The following SUMF1 variants were observed in gnomAD, a reference collection of about 807,000 sequenced individuals.
The protein encoded by SUMF1 is formylglycine-generating enzyme.
In SUMF1, 48 loss-of-function variants were observed where a neutral mutation model predicts 47.6. That is an observed-to-expected ratio of 1.01 (90% CI 0.80 to 1.28). The LOEUF is 1.28. SUMF1 is among the 50% of genes most tolerant of loss of function. SUMF1 has a pLI of 0.00. For synonymous variants in SUMF1, 230 were observed against 192.1 expected (o/e 1.20, Z -1.63); for missense variants, 571 against 485.4 (o/e 1.18, Z -1.66).
rs181915199 is a variant in SUMF1, at chr3:4,249,884, G to A, written c.1014+126446C>T. 8.6e-4 allele frequency among the ~76,000 whole-genome samples: 131 copies of A among 152,220 alleles called. 1 individual carries two copies. The highest frequency in any genetic ancestry group is 8.3e-3 in the South Asian group (40 of 4,822). On this transcript the variant is annotated intron_variant and NMD_transcript_variant, in intron 8 of 12. Transcript: ENST00000448413. ...CAGTCAACACACAAATGATAAGAAT[G>A]CAAAAGAGTCTCATTGGGCCAGGGG...
At chr3:4,201,771 G>T (rs1334326742) in intron 8 of SUMF1, among the ~76,000 whole-genome samples, 5 of 151,974 alleles carry the variant, frequency 3.3e-5, no homozygotes, top group Admixed American at 2.0e-4. Context: ...CAGTACGAGG[G>T]TTCCCTTTTC....
chr3:4,418,161 G>C, intron 4 of SUMF1, 29 bp from the exon 5 acceptor site: 1 of 1,613,776 alleles, frequency 6.2e-7, no homozygotes, highest in Non-Finnish European at 8.5e-7. Flanking sequence ...AGAATGAAAA[G>C]TGACACCAAT....
At chr3:4,181,692 T>C (rs1695098670) in intron 8 of SUMF1, among the ~76,000 whole-genome samples, 1 of 152,068 alleles carries the variant, frequency 6.6e-6, no homozygotes, top group Non-Finnish European at 1.5e-5. Flanking sequence ...CAAGAAAGAG[T>C]GTCCCCTGTC....
intron 8 of SUMF1, among the ~76,000 whole-genome samples, chr3:4,086,481 G>A (rs111786656): frequency 3.9e-5 from 6 of 152,124 alleles, no homozygotes; most frequent in African/African-American, 1.2e-4. Context: ...TCTCATGCCC[G>A]ATCTGTCATG....
intron 8 of SUMF1, among the ~76,000 whole-genome samples, chr3:4,192,617 T>C (rs1229649622): frequency 1.3e-5 from 2 of 152,126 alleles, no homozygotes; most frequent in East Asian, 3.9e-4. Context: ...TTTCCTGAGA[T>C]AGAAGTGTCT....
At chr3:4,404,756 C>T (rs1350534844) in intron 7 of SUMF1, among the ~76,000 whole-genome samples, 2 of 152,136 alleles carry the variant, frequency 1.3e-5, no homozygotes, top group Non-Finnish European at 2.9e-5. Context: ...AAGAACGAAA[C>T]TCCGTCTCAA....
At chr3:4,132,496 C>G (rs1693816085) in intron 8 of SUMF1, among the ~76,000 whole-genome samples, 1 of 152,062 alleles carries the variant, frequency 6.6e-6, no homozygotes, top group African/African-American at 2.4e-5. Flanking sequence ...ACTGTTTCTC[C>G]CATAGCCAGG....
chr3:4,451,713 G>A (rs1053723156), intron 2 of SUMF1, among the ~76,000 whole-genome samples: 1 of 152,204 alleles, frequency 6.6e-6, no homozygotes, highest in African/African-American at 2.4e-5. Context: ...TTTTGAGACA[G>A]AGTCTTGCTC....
At chr3:4,154,387 A>T (rs1694406383) in intron 8 of SUMF1, among the ~76,000 whole-genome samples, 1 of 151,538 alleles carries the variant, frequency 6.6e-6, no homozygotes, top group African/African-American at 2.4e-5. Flanking sequence ...TTCACTTAAA[A>T]TTTAAAGAAT....
chr3:4,330,443 G>A (rs910481097), intron 8 of SUMF1, among the ~76,000 whole-genome samples: 1 of 152,218 alleles, frequency 6.6e-6, no homozygotes, highest in African/African-American at 2.4e-5. Context: ...GGAGGACCAT[G>A]CACGTCTTAC....
At chr3:4,383,927 T>G (rs1015396859) in intron 7 of SUMF1, among the ~76,000 whole-genome samples, 9 of 152,224 alleles carry the variant, frequency 5.9e-5, no homozygotes, top group Admixed American at 4.6e-4. Flanking sequence ...CAAAGACATA[T>G]CAACAAACAA....
Position 4,467,082 on chromosome 3 carries a change from G to C in SUMF1, c.164C>G (p.Pro55Arg). The change falls in exon 1 of 9, where the codon CCC becomes CGC. Residue 55 changes from proline to arginine, a missense_variant. Transcript: ENST00000272902. ...ACTGCCATGGGCGCCAGGCCGCTGGGGCGTGCCGCAGCCGCAAGAACCCGC... is the reference window on the plus strand; with the variant it reads ...ACTGCCATGGGCGCCAGGCCGCTGGCGCGTGCCGCAGCCGCAAGAACCCGC... ...SLAGSCGCGTPQRPGAHGSSA... is the reference protein window; with the variant it reads ...SLAGSCGCGTRQRPGAHGSSA... The C allele has an allele frequency of 6.4e-7, 1 of 1,564,144 alleles. No individual in the cohort carries two copies. The highest frequency in any genetic ancestry group is 1.2e-5 in the South Asian group (1 of 85,822).
intron 8 of SUMF1, among the ~76,000 whole-genome samples, chr3:4,353,806 T>C (rs1559239337): frequency 6.6e-6 from 1 of 152,156 alleles, no homozygotes; most frequent in Non-Finnish European, 1.5e-5. Flanking sequence ...GTGAGTTCTG[T>C]CTGCCACATC....
chr3:4,137,463 G>A, intron 8 of SUMF1, among the ~76,000 whole-genome samples: 1 of 151,214 alleles, frequency 6.6e-6, no homozygotes, highest in Non-Finnish European at 1.5e-5. Flanking sequence ...CACACTCTGG[G>A]GCCTGTTGTG....
chr3:4,407,478 G>C (rs1701411620), intron 7 of SUMF1, among the ~76,000 whole-genome samples: 1 of 152,108 alleles, frequency 6.6e-6, no homozygotes. Flanking sequence ...CCCTGAAAAT[G>C]TCTCTTCTAA....
intron 8 of SUMF1, among the ~76,000 whole-genome samples, chr3:4,328,195 G>T (rs1698983019): frequency 6.6e-6 from 1 of 151,568 alleles, no homozygotes; most frequent in African/African-American, 2.4e-5. Flanking sequence ...TTCCAGCCTG[G>T]GTGACCAACA....
chr3:4,084,120 C>A (rs1692622915), intron 8 of SUMF1, among the ~76,000 whole-genome samples: 1 of 151,976 alleles, frequency 6.6e-6, no homozygotes, highest in Non-Finnish European at 1.5e-5. Context: ...GGTTATCTGA[C>A]CCCCACTCTA....
At chr3:4,268,628 T>C (rs1333843676) in intron 8 of SUMF1, among the ~76,000 whole-genome samples, 4 of 149,994 alleles carry the variant, frequency 2.7e-5, no homozygotes, top group East Asian at 2.0e-4. Flanking sequence ...ATGATCACAA[T>C]AGCAACCAGG....
intron 3 of SUMF1, among the ~76,000 whole-genome samples, chr3:4,440,672 A>G (rs1211431417): frequency 6.6e-6 from 1 of 152,250 alleles, no homozygotes; most frequent in African/African-American, 2.4e-5. Flanking sequence ...GCAGGGGGAA[A>G]AAAGATGCTT....
Sources: gnomAD v4.1 joint callset for allele counts (sites outside exome capture counted in the v4.1 genomes callset) on GRCh38, gnomAD v4.1.1 for gene constraint, MANE v1.5 for transcripts, NCBI Gene and HGNC (gene_info 2026-07-23, HGNC 2026-07-21) for gene names.